Variants in RBFOX1 observed in about 807,000 individuals in gnomAD.
RBFOX1 encodes RNA binding fox-1 homolog 1, also known as RNA binding protein fox-1 homolog 1.
RBFOX1 carries 8 observed loss-of-function variants against 57.7 expected under a neutral mutation model. The observed-to-expected ratio is 0.14, with a 90% CI of 0.08 to 0.25. The LOEUF (loss-of-function observed/expected upper bound fraction) is 0.25. RBFOX1 is among the 10% of genes least tolerant of loss of function. The probability of loss-of-function intolerance (pLI) is 1.00; values close to 1 mark genes in which losing one functional copy is unlikely to be tolerated. For missense variants in RBFOX1, 611 were observed against 548.5 expected (o/e 1.11, Z -1.14); for synonymous variants, 326 against 222.4 (o/e 1.47, Z -4.15).
At chr16:6,628,472 C>T (rs937685968) in intron 2 of RBFOX1, among the ~76,000 whole-genome samples, 1 of 151,976 alleles carries the variant, frequency 6.6e-6, no homozygotes, top group Non-Finnish European at 1.5e-5. Flanking sequence ...TACTATATAC[C>T]CAGCATTAAG....
chr16:5,324,233 C>T (rs1174631751), intron 1 of RBFOX1, among the ~76,000 whole-genome samples: 1 of 152,188 alleles, frequency 6.6e-6, no homozygotes, highest in Non-Finnish European at 1.5e-5. Context: ...GAGGCCAAGG[C>T]AGGTGGATCA....
intron 3 of RBFOX1, among the ~76,000 whole-genome samples, chr16:6,776,280 G>A (rs1473366586): frequency 6.6e-6 from 1 of 151,912 alleles, no homozygotes; most frequent in African/African-American, 2.4e-5. Flanking sequence ...GCGTGGTGGC[G>A]GGTGCCTGTA....
At position 7,417,859 on chromosome 16, in the gene RBFOX1, C is replaced by T. The variant is rs543741092; in HGVS notation, c.28-100288C>T. ...TGATTGTCTACTTCACTTCTTGACG[C>T]ACTTTCGTTCCTCTGTCATCTCCCA... On this transcript the variant is annotated intron_variant, in intron 4 of 15. Transcript: ENST00000550418. Among the ~76,000 whole-genome samples the T allele has an allele frequency of 4.6e-5, 7 of 152,274 alleles. No individual in the cohort carries two copies. In the South Asian group the frequency reaches 1.5e-3, roughly 32 times the overall value.
intron 1 of RBFOX1, among the ~76,000 whole-genome samples, chr16:6,279,976 A>C (rs2076210202): frequency 1.3e-5 from 2 of 152,070 alleles, no homozygotes; most frequent in African/African-American, 2.4e-5. Flanking sequence ...AGGTGTTGCA[A>C]ATAGGAGCGT....
At chr16:7,374,235 C>T (rs1045181692) in intron 4 of RBFOX1, among the ~76,000 whole-genome samples, 7 of 152,120 alleles carry the variant, frequency 4.6e-5, no homozygotes, top group East Asian at 1.9e-4. Flanking sequence ...TTTACCATCC[C>T]GTGGAATCAC....
intron 2 of RBFOX1, among the ~76,000 whole-genome samples, chr16:6,554,864 T>G (rs964328518): frequency 1.4e-5 from 2 of 147,904 alleles, no homozygotes; most frequent in Admixed American, 6.6e-5. Context: ...TCTGTCGCTC[T>G]CTCTCTCACT....
intron 3 of RBFOX1, among the ~76,000 whole-genome samples, chr16:5,825,141 C>T (rs777914930): frequency 1.3e-5 from 2 of 152,180 alleles, no homozygotes; most frequent in East Asian, 1.9e-4. Flanking sequence ...GGACTCTGGA[C>T]CCTCGTTGCC....
Position 7,329,087 on chromosome 16 carries a change from C to T in RBFOX1, c.28-189060C>T, listed in dbSNP as rs142494227. ...TGTATTGTCAACGGATGCTTTTTCA[C>T]GCTACAACAGCAGAATTTTGAGCAG... On this transcript the variant is annotated intron_variant, in intron 4 of 15. Coordinates refer to ENST00000550418, the MANE Select transcript of RBFOX1 (RefSeq NM_018723.4). 1.4e-4 allele frequency among the ~76,000 whole-genome samples: 22 copies of T among 152,254 alleles called. No homozygotes were observed. In the East Asian group the frequency reaches 3.1e-3, roughly 21 times the overall value.
chr16:6,262,230 G>A (rs1442544485), intron 1 of RBFOX1, among the ~76,000 whole-genome samples: 1 of 152,108 alleles, frequency 6.6e-6, no homozygotes, highest in Non-Finnish European at 1.5e-5. Flanking sequence ...CAGATGGGCA[G>A]GAAAGAGAAT....
intron 4 of RBFOX1, among the ~76,000 whole-genome samples, chr16:7,142,788 C>T (rs752459495): frequency 8.5e-5 from 13 of 152,172 alleles, no homozygotes; most frequent in Non-Finnish European, 1.3e-4. Context: ...CCGTTCTGAA[C>T]ACAGTGTTGC....
intron 4 of RBFOX1, among the ~76,000 whole-genome samples, chr16:7,300,800 A>C (rs2096012632): frequency 6.6e-6 from 1 of 152,186 alleles, no homozygotes; most frequent in Non-Finnish European, 1.5e-5. Flanking sequence ...CCTTCTGCCT[A>C]AGGAAGTTTC....
chr16:5,530,563 C>T (rs1306384863), intron 2 of RBFOX1, among the ~76,000 whole-genome samples: 1 of 152,200 alleles, frequency 6.6e-6, no homozygotes, highest in Non-Finnish European at 1.5e-5. Context: ...TTAACATCTA[C>T]ACTGTGGACA....
intron 4 of RBFOX1, among the ~76,000 whole-genome samples, chr16:7,162,506 G>A (rs912610102): frequency 1.3e-5 from 2 of 149,394 alleles, no homozygotes; most frequent in South Asian, 4.3e-4. Flanking sequence ...GAGGGGGATA[G>A]ATCACCTGAG....
At chr16:7,274,933 C>G (rs1276361060) in intron 4 of RBFOX1, among the ~76,000 whole-genome samples, 1 of 152,092 alleles carries the variant, frequency 6.6e-6, no homozygotes, top group Non-Finnish European at 1.5e-5. Context: ...ACCTGCCTGC[C>G]TCGGCCTCCC....
intron 3 of RBFOX1, among the ~76,000 whole-genome samples, chr16:6,829,780 G>A (rs1407162190): frequency 6.6e-6 from 1 of 151,764 alleles, no homozygotes; most frequent in African/African-American, 2.4e-5. Context: ...TTTTGCATTT[G>A]TAGTAGAAAT....
intron 3 of RBFOX1, among the ~76,000 whole-genome samples, chr16:7,016,252 G>T (rs2093906641): frequency 6.6e-6 from 1 of 152,098 alleles, no homozygotes; most frequent in Non-Finnish European, 1.5e-5. Context: ...AACGGGACCT[G>T]CCTCATCCCC....
At chr16:7,167,421 AGAG>A (rs1031151338) in intron 4 of RBFOX1, among the ~76,000 whole-genome samples, 1 of 152,226 alleles carries the variant, frequency 6.6e-6, no homozygotes, top group Admixed American at 6.5e-5. Context: ...ACAGAGACTC[AGAG>A]GAGAAGGCCA....
intron 3 of RBFOX1, among the ~76,000 whole-genome samples, chr16:5,629,091 A>G (rs193037561): frequency 4.3e-5 from 6 of 138,900 alleles, no homozygotes; most frequent in Admixed American, 3.7e-4. Context: ...GAGAAAAGAA[A>G]AAAAGTGATG....
At chr16:6,722,942 C>A (rs557710876) in intron 3 of RBFOX1, among the ~76,000 whole-genome samples, 1 of 152,146 alleles carries the variant, frequency 6.6e-6, no homozygotes, top group East Asian at 1.9e-4. Flanking sequence ...GGGCCCTCTG[C>A]TTCTAGGCAA....
Sources: gnomAD v4.1 joint callset for allele counts (sites outside exome capture counted in the v4.1 genomes callset) on GRCh38, gnomAD v4.1.1 for gene constraint, MANE v1.5 for transcripts, NCBI Gene and HGNC (gene_info 2026-07-23, HGNC 2026-07-21) for gene names.